ST8SIA4: variants seen among roughly 807,000 people sequenced by gnomAD.
ST8SIA4 encodes CMP-N-acetylneuraminate-poly-alpha-2,8-sialyltransferase.
In ST8SIA4, 15 loss-of-function variants were observed where a neutral mutation model predicts 33.9. The ratio of observed to expected loss-of-function variants is 0.44; its 90% CI spans 0.30 to 0.68. The LOEUF (loss-of-function observed/expected upper bound fraction) is 0.68. Among genes scored for constraint, ST8SIA4 ranks in the 30% least tolerant of loss-of-function variants. The pLI, the probability that ST8SIA4 is intolerant of heterozygous loss-of-function variation, is 0.10. For synonymous variants in ST8SIA4, 171 were observed against 151.2 expected (o/e 1.13, Z -0.96); for missense variants, 321 against 428.0 (o/e 0.75, Z 2.21).
intron 3 of ST8SIA4, among the ~76,000 whole-genome samples, chr5:100,877,375 T>A (rs1342502059): frequency 6.6e-6 from 1 of 152,178 alleles, no homozygotes; most frequent in African/African-American, 2.4e-5. Context: ...AAAAATTCTC[T>A]GGACCTTCTA....
At chr5:100,866,118 G>A (rs1455573060) in intron 3 of ST8SIA4, among the ~76,000 whole-genome samples, 1 of 152,004 alleles carries the variant, frequency 6.6e-6, no homozygotes, top group Non-Finnish European at 1.5e-5. Context: ...TTTAACACTG[G>A]TTTTACTAAG....
chr5:100,897,955 C>G (rs971385808), intron 1 of ST8SIA4, among the ~76,000 whole-genome samples: 1 of 152,130 alleles, frequency 6.6e-6, no homozygotes, highest in African/African-American at 2.4e-5. Flanking sequence ...TGGTTATACA[C>G]AGAAGCTAAC....
At chr5:100,864,450 C>A (rs1332098890) in intron 3 of ST8SIA4, among the ~76,000 whole-genome samples, 1 of 151,778 alleles carries the variant, frequency 6.6e-6, no homozygotes, top group Non-Finnish European at 1.5e-5. Flanking sequence ...TGGCGGGCGC[C>A]TGCAGTCCCA....
chr5:100,809,506 G>A lies in ST8SIA4; in HGVS notation c.*2341C>T, dbSNP rs1440732637. 1 of 151,678 alleles carries A rather than the reference G, an allele frequency of 6.6e-6. No individual in the cohort carries two copies. Among genetic ancestry groups the A allele is most frequent in the African/African-American group, 2.4e-5 (1 of 41,268 alleles). 9.4% of individuals were successfully genotyped at this position (151,678 alleles called of 1,614,324 possible). A position where few individuals can be genotyped will look rare whatever the true frequency, so the allele number is the denominator to read the frequency against. ...AAGAAAATATGCTAAAAATGGCAAGGTACCTTGCTGCTGCTTTTTTAAGAT... is the reference window on the plus strand; with the variant it reads ...AAGAAAATATGCTAAAAATGGCAAGATACCTTGCTGCTGCTTTTTTAAGAT... On this transcript the variant is annotated 3_prime_UTR_variant, in exon 5 of 5. Coordinates refer to ENST00000231461, the MANE Select transcript of ST8SIA4 (RefSeq NM_005668.6).
chr5:100,823,750 G>A (rs2544915), intron 4 of ST8SIA4, among the ~76,000 whole-genome samples: 136,381 of 152,252 alleles, frequency 0.9, 61,954 homozygotes, highest in Middle Eastern at 0.98. Flanking sequence ...GTGTCAATCT[G>A]GAATGTGGAC....
chr5:100,844,653 T>A (rs1215725596), intron 4 of ST8SIA4, among the ~76,000 whole-genome samples: 5 of 152,012 alleles, frequency 3.3e-5, no homozygotes, highest in Non-Finnish European at 7.4e-5. Flanking sequence ...AAGAAGTCAG[T>A]CATAGGTGTT....
intron 4 of ST8SIA4, among the ~76,000 whole-genome samples, chr5:100,829,080 A>G (rs1322606791): frequency 1.3e-5 from 2 of 152,216 alleles, no homozygotes; most frequent in African/African-American, 2.4e-5. Context: ...CTTTACCTAT[A>G]AACTGCGAAT....
intron 3 of ST8SIA4, among the ~76,000 whole-genome samples, chr5:100,877,922 G>A (rs372301663): frequency 2.0e-5 from 3 of 152,018 alleles, no homozygotes; most frequent in Non-Finnish European, 2.9e-5. Flanking sequence ...TTACTCCTCC[G>A]TCTTTACTAC....
intron 4 of ST8SIA4, among the ~76,000 whole-genome samples, chr5:100,821,300 A>G (rs1394433917): frequency 6.6e-6 from 1 of 152,134 alleles, no homozygotes; most frequent in Non-Finnish European, 1.5e-5. Flanking sequence ...AACGCTCAGT[A>G]AAAATGGGTT....
At chr5:100,870,728 C>T (rs942475745) in intron 3 of ST8SIA4, among the ~76,000 whole-genome samples, 10 of 152,036 alleles carry the variant, frequency 6.6e-5, no homozygotes, top group Non-Finnish European at 1.5e-4. Flanking sequence ...CTCATCACAA[C>T]TTATATTTCA....
At chr5:100,871,952 CT>C (rs981805828) in intron 3 of ST8SIA4, among the ~76,000 whole-genome samples, 6 of 152,128 alleles carry the variant, frequency 3.9e-5, no homozygotes, top group Middle Eastern at 3.4e-3. Context: ...CTGTATCACT[CT>C]TCTTAGTTCT....
intron 3 of ST8SIA4, 197 bp downstream of exon 3, chr5:100,886,145 CT>C: frequency 7.3e-7 from 1 of 1,364,652 alleles, no homozygotes; most frequent in South Asian, 1.8e-5. Flanking sequence ...GACAGGATCA[CT>C]TTTTCTTTCA....
chr5:100,865,138 A>G (rs1752036296), intron 3 of ST8SIA4, among the ~76,000 whole-genome samples: 3 of 152,148 alleles, frequency 2.0e-5, no homozygotes, highest in Admixed American at 2.0e-4. Context: ...TTCTTACCCC[A>G]TATTTCACTA....
chr5:100,886,105 CA>C (rs1271242953), intron 3 of ST8SIA4: 11 of 1,275,060 alleles, frequency 8.6e-6, no homozygotes, highest in East Asian at 3.4e-5. Flanking sequence ...CTCACCTCAC[CA>C]AAAAAAGCTG....
At chr5:100,850,742 G>GAA (rs936038280) in intron 4 of ST8SIA4, among the ~76,000 whole-genome samples, 2 of 150,822 alleles carry the variant, frequency 1.3e-5, no homozygotes, top group Non-Finnish European at 3.0e-5. Context: ...TTTTCTGTGG[G>GAA]AAAAAAACAC....
intron 4 of ST8SIA4, among the ~76,000 whole-genome samples, chr5:100,824,322 A>G (rs1368261268): frequency 1.3e-5 from 2 of 152,222 alleles, no homozygotes; most frequent in Non-Finnish European, 2.9e-5. Flanking sequence ...AAAAGAAACT[A>G]TAGAGTGCTA....
At chr5:100,837,975 C>T (rs1486620532) in intron 4 of ST8SIA4, among the ~76,000 whole-genome samples, 4 of 151,974 alleles carry the variant, frequency 2.6e-5, no homozygotes, top group Admixed American at 6.6e-5. Context: ...CTGAGAGTGT[C>T]TGAATCAATT....
In ST8SIA4 at chr5:100,895,649, C is replaced by T; in HGVS notation, c.245+5G>A. 1 of 1,603,918 alleles carries T rather than the reference C, an allele frequency of 6.2e-7. No individual in the cohort carries two copies. The highest frequency in any genetic ancestry group is 8.5e-7 in the Non-Finnish European group (1 of 1,175,580). ...AATTTATTATGCCTTAGTAAAGAAA[C>T]TCACCTTATCTCTAGGACCAAAGAG... On this transcript the variant is annotated splice_donor_5th_base_variant and intron_variant, in intron 2 of 4. Coordinates refer to ENST00000231461, the MANE Select transcript of ST8SIA4 (RefSeq NM_005668.6).
intron 4 of ST8SIA4, among the ~76,000 whole-genome samples, chr5:100,843,724 T>C (rs1376554453): frequency 6.6e-6 from 1 of 151,952 alleles, no homozygotes; most frequent in African/African-American, 2.4e-5. Flanking sequence ...AGATGCAATG[T>C]ATGCGTTATC....
Sources: allele counts gnomAD v4.1 joint callset (sites outside exome capture counted in the v4.1 genomes callset), GRCh38; gene constraint gnomAD v4.1.1; transcripts MANE v1.5; gene names NCBI Gene and HGNC (gene_info 2026-07-23, HGNC 2026-07-21).